The following SH3RF1 variants were observed in gnomAD, a reference collection of about 807,000 sequenced individuals.
The protein encoded by SH3RF1 is SH3 domain containing ring finger 1.
SH3RF1 carries 32 observed loss-of-function variants against 74.0 expected under a neutral mutation model. The ratio of observed to expected loss-of-function variants is 0.43; its 90% CI spans 0.33 to 0.58. The LOEUF (loss-of-function observed/expected upper bound fraction) is 0.58. Ranked by LOEUF, SH3RF1 falls within the 20% of genes least tolerant of loss-of-function variation. The probability of loss-of-function intolerance (pLI) is 0.05; values close to 1 mark genes in which losing one functional copy is unlikely to be tolerated. For synonymous variants in SH3RF1, 396 were observed against 439.6 expected (o/e 0.90, Z 1.24); for missense variants, 954 against 1,130.9 (o/e 0.84, Z 2.24).
rs544962597 is a variant in SH3RF1 at position 169,212,741 on chromosome 4, C to G, written c.394-56062G>C. Among the ~76,000 whole-genome samples, 4 of 152,314 alleles carry G rather than the reference C, an allele frequency of 2.6e-5. No individual in the cohort carries two copies. In the East Asian group the frequency reaches 7.7e-4, roughly 29 times the overall value. On this transcript the variant is annotated intron_variant, in intron 2 of 11. Transcript: ENST00000284637. Reference sequence around the variant, plus strand: ...AGTCCACAGTTTATATCAGGGTTCCCTCTTGGTGTTCTATGCCATGGTTTT... The same window carrying G: ...AGTCCACAGTTTATATCAGGGTTCCGTCTTGGTGTTCTATGCCATGGTTTT...
intron 4 of SH3RF1, among the ~76,000 whole-genome samples, chr4:169,143,483 G>C (rs576020979): frequency 1.3e-5 from 2 of 152,262 alleles, no homozygotes; most frequent in African/African-American, 4.8e-5. Flanking sequence ...CTCCTGTAGG[G>C]AAAGAAGCTG....
Position 169,178,044 on chromosome 4 carries a change from G to A in SH3RF1, c.394-21365C>T, listed in dbSNP as rs150916210. 2.7e-3 allele frequency among the ~76,000 whole-genome samples: 403 copies of A among 151,754 alleles called. 3 individuals carry two copies. The highest frequency in any genetic ancestry group is 0.025 in the East Asian group (131 of 5,142). ...TCGTTTGGGGTGAGGAGTTTGAGAC[G>A]AGCCTGGCCAACATGGTGAAACCCT... is the stretch of plus-strand genomic sequence containing the variant. On this transcript the variant is annotated intron_variant, in intron 2 of 11. Coordinates refer to ENST00000284637, the MANE Select transcript of SH3RF1 (RefSeq NM_020870.4).
In SH3RF1 at chr4:169,146,055, T is replaced by TTACATATTCTATATATTCTATATAAAA. The variant is rs1554005729; in HGVS notation, c.765+9424_765+9425insTTTTATATAGAATATATAGAATATGTA. Among the ~76,000 whole-genome samples the TTACATATTCTATATATTCTATATAAAA allele has an allele frequency of 5.7e-5, 5 of 87,222 alleles. 2 individuals are homozygous for TTACATATTCTATATATTCTATATAAAA. Among genetic ancestry groups the TTACATATTCTATATATTCTATATAAAA allele is most frequent in the South Asian group, 3.6e-4 (1 of 2,812 alleles). The allele number at this position is 87,222 out of a possible 152,430, so 57.2% of individuals were successfully genotyped here. A position where few individuals can be genotyped will look rare whatever the true frequency, so the allele number is the denominator to read the frequency against. On this transcript the variant is annotated intron_variant, in intron 4 of 11. Coordinates refer to ENST00000284637, the MANE Select transcript of SH3RF1 (RefSeq NM_020870.4). The stretch of plus-strand genomic sequence containing the variant: ...TATTCTATATATTCTATATAAAATA[T>TTACATATTCTATATATTCTATATAAAA]TATATATTCTATATAAAATATTATA...
intron 8 of SH3RF1, among the ~76,000 whole-genome samples, chr4:169,118,645 T>A (rs976607794): frequency 3.9e-5 from 6 of 151,900 alleles, no homozygotes. Context: ...TTAGTAGAGG[T>A]GGGGTTTCAC....
chr4:169,118,982 C>T, intron 8 of SH3RF1, among the ~76,000 whole-genome samples: 1 of 152,224 alleles, frequency 6.6e-6, no homozygotes, highest in African/African-American at 2.4e-5. Flanking sequence ...TAAATGATAA[C>T]AATTCTGTAT....
rs941354783 is a variant in SH3RF1, at chr4:169,229,638, G to T, written c.393+39182C>A. ...CCTAACATCCCTATAAATAACCTGG[G>T]CTGAGGCAAGAAAGTGAGAAGTGAA... On this transcript the variant is annotated intron_variant, in intron 2 of 11. Transcript: ENST00000284637. Among the ~76,000 whole-genome samples, 3 of 152,138 alleles carry T rather than the reference G, an allele frequency of 2.0e-5. No individual in the cohort carries two copies. The Middle Eastern group carries it at 0.01, about 517-fold the overall frequency.
chr4:169,136,682 G>T, intron 4 of SH3RF1, 62 bp from the exon 5 acceptor site: 1 of 1,439,988 alleles, frequency 6.9e-7, no homozygotes, highest in Non-Finnish European at 9.2e-7. Flanking sequence ...ATTCCCTGAG[G>T]TTTATTTCCA....
At chr4:169,238,331 G>A (rs1199548549) in intron 2 of SH3RF1, among the ~76,000 whole-genome samples, 1 of 152,194 alleles carries the variant, frequency 6.6e-6, no homozygotes, top group Non-Finnish European at 1.5e-5. Context: ...AAGGATGTGA[G>A]GAACGCTAGC....
intron 6 of SH3RF1, among the ~76,000 whole-genome samples, chr4:169,128,116 T>C (rs1733555623): frequency 6.6e-6 from 1 of 152,210 alleles, no homozygotes; most frequent in African/African-American, 2.4e-5. Flanking sequence ...AGTCCTTTTC[T>C]TTCCCTTAAG....
At chr4:169,110,347 G>A (rs896348388) in intron 10 of SH3RF1, among the ~76,000 whole-genome samples, 12 of 152,016 alleles carry the variant, frequency 7.9e-5, no homozygotes, top group African/African-American at 2.7e-4. Flanking sequence ...GTGAGACCTC[G>A]TTTAAAAAAA....
chr4:169,141,392 A>T (rs1733784222), intron 4 of SH3RF1, among the ~76,000 whole-genome samples: 1 of 152,154 alleles, frequency 6.6e-6, no homozygotes. Context: ...GCCATTTACT[A>T]TGTCTTGGCA....
chr4:169,158,042 G>A (rs1409135710), intron 2 of SH3RF1, among the ~76,000 whole-genome samples: 1 of 152,216 alleles, frequency 6.6e-6, no homozygotes, highest in East Asian at 1.9e-4. Flanking sequence ...CCCAGTGCAA[G>A]CTTTTACTTT....
chr4:169,248,699 C>T (rs887776957), intron 2 of SH3RF1, among the ~76,000 whole-genome samples: 8 of 152,186 alleles, frequency 5.3e-5, no homozygotes, highest in African/African-American at 1.4e-4. Flanking sequence ...GAAACATCCA[C>T]GTGAGCAGTC....
intron 2 of SH3RF1, 152 bp downstream of exon 2, chr4:169,268,668 G>T: frequency 1.3e-6 from 1 of 745,534 alleles, no homozygotes. Context: ...CCAAGATGGG[G>T]GAAAAAAATA....
At chr4:169,141,372 T>C (rs1187127577) in intron 4 of SH3RF1, among the ~76,000 whole-genome samples, 1 of 152,240 alleles carries the variant, frequency 6.6e-6, no homozygotes, top group East Asian at 1.9e-4. Flanking sequence ...TTCCATTTTA[T>C]AGAGACGTTG....
chr4:169,151,092 G>C (rs143782615), intron 4 of SH3RF1, among the ~76,000 whole-genome samples: 3 of 152,264 alleles, frequency 2.0e-5, no homozygotes, highest in South Asian at 2.1e-4. Flanking sequence ...TGTTTGTTTT[G>C]AGTTTAGAAC....
chr4:169,195,453 T>C (rs1028965185), intron 2 of SH3RF1, among the ~76,000 whole-genome samples: 3 of 152,210 alleles, frequency 2.0e-5, no homozygotes, highest in African/African-American at 7.2e-5. Flanking sequence ...TTCTTGAGTT[T>C]GTAAATAGAA....
intron 10 of SH3RF1, among the ~76,000 whole-genome samples, chr4:169,112,926 G>A (rs997998283): frequency 1.3e-5 from 2 of 152,164 alleles, no homozygotes; most frequent in African/African-American, 2.4e-5. Flanking sequence ...AAACTTTGAC[G>A]AGAGGGAAAT....
chr4:169,098,208 A>T (rs1378986812), intron 11 of SH3RF1, among the ~76,000 whole-genome samples: 1 of 152,326 alleles, frequency 6.6e-6, no homozygotes, highest in South Asian at 2.1e-4. Flanking sequence ...TCTAATAAAT[A>T]CATCTTTCAC....
Sources: allele counts gnomAD v4.1 joint callset (sites outside exome capture counted in the v4.1 genomes callset), GRCh38; gene constraint gnomAD v4.1.1; transcripts MANE v1.5; gene names NCBI Gene and HGNC (gene_info 2026-07-23, HGNC 2026-07-21).